Variants in BMPR1B observed in about 807,000 individuals in gnomAD.
BMPR1B encodes the protein bone morphogenetic protein receptor type-1B.
Under a neutral mutation model 59.1 loss-of-function variants are expected in BMPR1B, and 12 were observed. The observed-to-expected ratio is 0.20, with a 90% CI of 0.13 to 0.33. The LOEUF (loss-of-function observed/expected upper bound fraction) is 0.33. BMPR1B is among the 10% of genes least tolerant of loss of function. The pLI, the probability that BMPR1B is intolerant of heterozygous loss-of-function variation, is 1.00. For synonymous variants in BMPR1B, 237 were observed against 207.3 expected (o/e 1.14, Z -1.23); for missense variants, 550 against 610.9 (o/e 0.90, Z 1.05).
intron 2 of BMPR1B, among the ~76,000 whole-genome samples, chr4:94,950,671 C>G (rs772491827): frequency 2.0e-5 from 3 of 152,120 alleles, no homozygotes; most frequent in Non-Finnish European, 4.4e-5. Context: ...GGCACCAGTA[C>G]CATGCTGTTT....
intron 1 of BMPR1B, among the ~76,000 whole-genome samples, chr4:94,823,196 A>G (rs1411779870): frequency 6.6e-6 from 1 of 152,192 alleles, no homozygotes; most frequent in Non-Finnish European, 1.5e-5. Flanking sequence ...CATATTCTAA[A>G]TTAACCTCAC....
intron 1 of BMPR1B, among the ~76,000 whole-genome samples, 164 bp downstream of exon 1, chr4:94,758,232 CGCGAGGGAGAGG>C (rs1460704140): frequency 6.7e-6 from 1 of 149,332 alleles, no homozygotes; most frequent in African/African-American, 2.4e-5. Context: ...GGACGGAGCG[CGCGAGGGAGAGG>C]GCGAGAGCGA....
chr4:95,015,769 T>G (rs1723542537), intron 3 of BMPR1B, among the ~76,000 whole-genome samples: 1 of 151,786 alleles, frequency 6.6e-6, no homozygotes, highest in South Asian at 2.1e-4. Context: ...CTCGGCTCAC[T>G]GCAACCTCTG....
chr4:94,826,590 C>T (rs1314233725), intron 1 of BMPR1B, among the ~76,000 whole-genome samples: 1 of 151,722 alleles, frequency 6.6e-6, no homozygotes, highest in African/African-American at 2.4e-5. Flanking sequence ...AATTACTTTA[C>T]CATTTTTAAG....
At chr4:95,134,026 C>T (rs762172357) in intron 10 of BMPR1B, among the ~76,000 whole-genome samples, 2 of 152,100 alleles carry the variant, frequency 1.3e-5, no homozygotes, top group African/African-American at 4.8e-5. Context: ...ATCCCTCCCC[C>T]CTCCACCCCA....
intron 2 of BMPR1B, among the ~76,000 whole-genome samples, chr4:94,987,050 AT>A (rs1393326914): frequency 0.13 from 117 of 934 alleles, no homozygotes; most frequent in Admixed American, 0.25. Flanking sequence ...CAAAAAAAAT[AT>A]ATATATATAT....
chr4:95,042,247 T>A (rs929093985), intron 3 of BMPR1B, among the ~76,000 whole-genome samples: 1 of 152,208 alleles, frequency 6.6e-6, no homozygotes, highest in African/African-American at 2.4e-5. Flanking sequence ...TGTCATAATT[T>A]TTACTGTTAG....
chr4:94,909,312 C>T (rs934200048), intron 2 of BMPR1B, among the ~76,000 whole-genome samples: 1 of 151,978 alleles, frequency 6.6e-6, no homozygotes, highest in African/African-American at 2.4e-5. Flanking sequence ...ACTATATACT[C>T]ACTAGGTTAA....
intron 3 of BMPR1B, among the ~76,000 whole-genome samples, chr4:95,031,684 G>GA (rs1724869114): frequency 6.6e-6 from 1 of 152,080 alleles, no homozygotes; most frequent in African/African-American, 2.4e-5. Flanking sequence ...GATAGGAGTA[G>GA]AAAAACAACT....
intron 3 of BMPR1B, among the ~76,000 whole-genome samples, chr4:95,068,563 GT>G: frequency 6.6e-6 from 1 of 152,156 alleles, no homozygotes; most frequent in Non-Finnish European, 1.5e-5. Context: ...CTATACTCAT[GT>G]ATAACCTGCA....
intron 2 of BMPR1B, among the ~76,000 whole-genome samples, chr4:94,941,269 A>G (rs1298406263): frequency 1.4e-5 from 2 of 143,424 alleles, no homozygotes; most frequent in Non-Finnish European, 3.1e-5. Flanking sequence ...ATCTCTACTA[A>G]AAATACAAAA....
chr4:95,092,828 C>G (rs1056735512), intron 3 of BMPR1B, among the ~76,000 whole-genome samples: 1 of 151,978 alleles, frequency 6.6e-6, no homozygotes, highest in African/African-American at 2.4e-5. Context: ...GTTTTATACA[C>G]TAGGCTGTCT....
intron 2 of BMPR1B, among the ~76,000 whole-genome samples, chr4:94,915,224 C>T (rs1389081253): frequency 6.6e-6 from 1 of 152,192 alleles, no homozygotes; most frequent in Non-Finnish European, 1.5e-5. Flanking sequence ...ACTCATCTTT[C>T]ATTACCATTG....
At chr4:95,102,661 G>A (rs1207281334) in intron 3 of BMPR1B, among the ~76,000 whole-genome samples, 1 of 152,012 alleles carries the variant, frequency 6.6e-6, no homozygotes, top group Non-Finnish European at 1.5e-5. Context: ...CATAGCAAGC[G>A]GTGCTGCACT....
rs943949228 is a variant in BMPR1B at position 94,861,993 on chromosome 4, A to G, written c.-182-13838A>G. Among the ~76,000 whole-genome samples, 27 of 152,100 alleles carry G rather than the reference A, an allele frequency of 1.8e-4. 1 individual carries two copies. The highest frequency in any genetic ancestry group is 6.6e-5 in the Admixed American group (1 of 15,266). On this transcript the variant is annotated intron_variant, in intron 1 of 12. Transcript: ENST00000515059. The stretch of plus-strand genomic sequence containing the variant: ...ATTTGACTTTAGTTGTAAGGAAACT[A>G]TAGATTTCAGTAGAAATAATAATAG...
At chr4:94,878,182 C>T (rs1226841056) in intron 2 of BMPR1B, among the ~76,000 whole-genome samples, 1 of 152,150 alleles carries the variant, frequency 6.6e-6, no homozygotes, top group Admixed American at 6.5e-5. Flanking sequence ...TTCAGGAATG[C>T]TGTATGACTA....
intron 3 of BMPR1B, among the ~76,000 whole-genome samples, chr4:95,057,078 G>A (rs1439425741): frequency 1.3e-5 from 2 of 152,130 alleles, no homozygotes; most frequent in Non-Finnish European, 2.9e-5. Flanking sequence ...AACAAACTCT[G>A]TCCATTTTAT....
chr4:95,025,656 G>T (rs934585516), intron 3 of BMPR1B, among the ~76,000 whole-genome samples: 29 of 138,208 alleles, frequency 2.1e-4, no homozygotes, highest in African/African-American at 6.6e-4. Context: ...TGAACACTTT[G>T]TTAGAAGAAG....
chr4:95,079,930 ACT>A (rs1728994275), intron 3 of BMPR1B, among the ~76,000 whole-genome samples: 1 of 152,090 alleles, frequency 6.6e-6, no homozygotes. Context: ...ATGCTTGTTT[ACT>A]CTCATATTAA....
Sources: allele counts gnomAD v4.1 joint callset (sites outside exome capture counted in the v4.1 genomes callset), GRCh38; gene constraint gnomAD v4.1.1; transcripts MANE v1.5; gene names NCBI Gene and HGNC (gene_info 2026-07-23, HGNC 2026-07-21).